The following SHROOM3 variants were observed in gnomAD, a reference collection of about 807,000 sequenced individuals.
SHROOM3 encodes the protein protein Shroom3.
Under a neutral mutation model 138.6 loss-of-function variants are expected in SHROOM3, and 47 were observed. The ratio of observed to expected loss-of-function variants is 0.34; its 90% CI spans 0.27 to 0.43. The LOEUF (loss-of-function observed/expected upper bound fraction) is 0.43. Among genes scored for constraint, SHROOM3 ranks in the 20% least tolerant of loss-of-function variants. SHROOM3 has a pLI of 1.00. For synonymous variants in SHROOM3, 1,062 were observed against 1,063.3 expected (o/e 1.00, Z 0.02); for missense variants, 2,491 against 2,596.5 (o/e 0.96, Z 0.88).
chr4:76,440,778 A>G (rs545306422), intron 1 of SHROOM3, among the ~76,000 whole-genome samples: 1 of 152,302 alleles, frequency 6.6e-6, no homozygotes, highest in South Asian at 2.1e-4. Context: ...ATCAGTGCTT[A>G]TATTTCTGAT....
intron 1 of SHROOM3, among the ~76,000 whole-genome samples, chr4:76,553,138 G>T (rs1225319262): frequency 1.3e-5 from 2 of 151,952 alleles, no homozygotes; most frequent in East Asian, 3.8e-4. Context: ...GAATAATAGT[G>T]CAGGACATTT....
intron 1 of SHROOM3, among the ~76,000 whole-genome samples, chr4:76,511,241 T>C (rs1362917612): frequency 1.3e-5 from 2 of 152,108 alleles, no homozygotes; most frequent in Non-Finnish European, 2.9e-5. Flanking sequence ...GACTTTTGTC[T>C]CCTAAACACA....
intron 2 of SHROOM3, among the ~76,000 whole-genome samples, chr4:76,636,054 C>T (rs945254106): frequency 1.3e-5 from 2 of 152,208 alleles, no homozygotes; most frequent in East Asian, 3.8e-4. Context: ...TTACCAAGTC[C>T]AGTTCTCCAA....
chr4:76,734,514 T>C (rs1055291300), intron 4 of SHROOM3, among the ~76,000 whole-genome samples: 1 of 75,596 alleles, frequency 1.3e-5, no homozygotes, highest in African/African-American at 7.1e-5. Context: ...TTAAAAATAC[T>C]TTTTTTTTTT....
intron 1 of SHROOM3, among the ~76,000 whole-genome samples, chr4:76,540,408 G>A (rs1299589754): frequency 2.0e-5 from 3 of 152,114 alleles, no homozygotes; most frequent in African/African-American, 4.8e-5. Context: ...TAATATTAAA[G>A]CCAGTACTAA....
At chr4:76,466,492 T>G (rs1416807771) in intron 1 of SHROOM3, among the ~76,000 whole-genome samples, 1 of 152,218 alleles carries the variant, frequency 6.6e-6, no homozygotes, top group Non-Finnish European at 1.5e-5. Context: ...GCCTTGTAGA[T>G]AGACTTCCTC....
At chr4:76,636,982 T>C (rs1735515822) in intron 2 of SHROOM3, among the ~76,000 whole-genome samples, 1 of 152,232 alleles carries the variant, frequency 6.6e-6, no homozygotes, top group African/African-American at 2.4e-5. Context: ...GATGTTTTTG[T>C]GGCCAGAAAT....
At chr4:76,566,245 TAGGATA>T (rs1217461896) in intron 2 of SHROOM3, among the ~76,000 whole-genome samples, 2 of 152,044 alleles carry the variant, frequency 1.3e-5, no homozygotes, top group Non-Finnish European at 2.9e-5. Context: ...TTATATTAGG[TAGGATA>T]AGTAATCCAG....
At chr4:76,761,495 C>A (rs1721987322) in intron 9 of SHROOM3, among the ~76,000 whole-genome samples, 1 of 152,160 alleles carries the variant, frequency 6.6e-6, no homozygotes, top group African/African-American at 2.4e-5. Flanking sequence ...TTATGCTAAT[C>A]AGAATTAGAG....
At chr4:76,609,173 G>A (rs912768443) in intron 2 of SHROOM3, among the ~76,000 whole-genome samples, 2 of 152,200 alleles carry the variant, frequency 1.3e-5, no homozygotes, top group Non-Finnish European at 2.9e-5. Context: ...ATAACTGAAT[G>A]GAGAAGTGCA....
chr4:76,602,795 C>A (rs1734532772), intron 2 of SHROOM3, among the ~76,000 whole-genome samples: 1 of 152,214 alleles, frequency 6.6e-6, no homozygotes, highest in Non-Finnish European at 1.5e-5. Context: ...GGCTCTGCCA[C>A]TGACACTCTG....
intron 1 of SHROOM3, among the ~76,000 whole-genome samples, chr4:76,546,953 A>AT (rs1219483170): frequency 1.3e-5 from 2 of 152,254 alleles, no homozygotes; most frequent in Non-Finnish European, 2.9e-5. Context: ...TTTAATGTTA[A>AT]TTAAAACTCC....
intron 3 of SHROOM3, among the ~76,000 whole-genome samples, chr4:76,729,662 G>A (rs1720818873): frequency 6.6e-6 from 1 of 152,126 alleles, no homozygotes; most frequent in African/African-American, 2.4e-5. Flanking sequence ...GCTAAGAAGG[G>A]GAAGTAACTC....
intron 1 of SHROOM3, among the ~76,000 whole-genome samples, chr4:76,547,380 A>C (rs1185703908): frequency 6.6e-6 from 1 of 152,042 alleles, no homozygotes; most frequent in Non-Finnish European, 1.5e-5. Flanking sequence ...ATAAAAATAC[A>C]ATTATAATAA....
At position 76,471,449 on chromosome 4, in the gene SHROOM3, A is replaced by G. The variant is rs182840000; in HGVS notation, c.168+35229A>G. Among the ~76,000 whole-genome samples, 617 of 152,180 alleles carry G rather than the reference A, an allele frequency of 4.1e-3. 4 individuals are homozygous for G. Among genetic ancestry groups the G allele is most frequent in the African/African-American group, 0.014 (569 of 41,550 alleles). On this transcript the variant is annotated intron_variant, in intron 1 of 10. Coordinates refer to ENST00000296043, the MANE Select transcript of SHROOM3 (RefSeq NM_020859.4). The stretch of plus-strand genomic sequence containing the variant: ...AGTAGAGATGGGTTTTCACCATGTT[A>G]GCCAGGATGGTCTCGATCTCCTGAC...
intron 2 of SHROOM3, among the ~76,000 whole-genome samples, chr4:76,620,091 A>AAAAAAAAAAAAAG (rs749696462): frequency 8.1e-5 from 11 of 135,398 alleles, no homozygotes; most frequent in East Asian, 7.0e-4. Context: ...AAAAAAAAAA[A>AAAAAAAAAAAAAG]AAGAAGAAAA....
intron 2 of SHROOM3, among the ~76,000 whole-genome samples, chr4:76,681,992 T>C (rs1451229911): frequency 6.6e-6 from 1 of 152,148 alleles, no homozygotes; most frequent in Admixed American, 6.5e-5. Context: ...GGAGCTTTCA[T>C]CTTGCCCTAC....
In SHROOM3 at chr4:76,781,410, G is replaced by A. The variant is rs1703920321; in HGVS notation, c.*2233G>A. 1.3e-5 allele frequency: 2 copies of A among 152,236 alleles called. No homozygotes were observed. Among genetic ancestry groups the A allele is most frequent in the South Asian group, 4.1e-4 (2 of 4,830 alleles). 9.4% of individuals were successfully genotyped at this position (152,236 alleles called of 1,614,324 possible). On this transcript the variant is annotated 3_prime_UTR_variant, in exon 11 of 11. Transcript: ENST00000296043. ...CCAGAAGTGCTGGGATTACAGGCAT[G>A]AGCCACTTCACCCAGCCACTTTTCT...
chr4:76,765,688 A>G (rs961761714), intron 9 of SHROOM3, among the ~76,000 whole-genome samples: 3 of 152,140 alleles, frequency 2.0e-5, no homozygotes, highest in African/African-American at 7.2e-5. Flanking sequence ...ACAGACATCT[A>G]TCTAATATGA....
Sources: gnomAD v4.1 joint callset for allele counts (sites outside exome capture counted in the v4.1 genomes callset) on GRCh38, gnomAD v4.1.1 for gene constraint, MANE v1.5 for transcripts, NCBI Gene and HGNC (gene_info 2026-07-23, HGNC 2026-07-21) for gene names.